NPAT: variants seen among roughly 807,000 people sequenced by gnomAD.
NPAT encodes protein NPAT.
Under a neutral mutation model 130.7 loss-of-function variants are expected in NPAT, and 52 were observed. The ratio of observed to expected loss-of-function variants is 0.40; its 90% CI spans 0.32 to 0.50. NPAT has a LOEUF of 0.50. NPAT is among the 20% of genes least tolerant of loss of function. NPAT has a pLI of 0.68. For synonymous variants in NPAT, 580 were observed against 584.8 expected, an observed-to-expected ratio of 0.99 and a Z score of 0.12; for missense variants, 1,687 against 1,662.6, an observed-to-expected ratio of 1.01 and a Z score of -0.26.
At chr11:108,166,210 A>C (rs554515285) in intron 15 of NPAT, among the ~76,000 whole-genome samples, 1 of 152,004 alleles carries the variant, frequency 6.6e-6, no homozygotes, top group African/African-American at 2.4e-5. Flanking sequence ...TGGCCAAGAT[A>C]GTGAAACCCT....
intron 1 of NPAT, among the ~76,000 whole-genome samples, chr11:108,204,033 G>C (rs1176943113): frequency 6.6e-6 from 1 of 152,174 alleles, no homozygotes. Flanking sequence ...TTAGGCCTCT[G>C]AGAGAGATCA....
Position 108,176,266 on chromosome 11 carries a change from G to C in NPAT, c.1112C>G (p.Ser371Cys). The C allele has an allele frequency of 6.3e-7, 1 of 1,582,828 alleles. No individual in the cohort carries two copies. Among genetic ancestry groups the C allele is most frequent in the Non-Finnish European group, 8.7e-7 (1 of 1,152,128 alleles). The change falls in exon 12 of 18, where the codon TCT (serine) becomes TGT (cysteine). Residue 371 changes from serine to cysteine, a missense_variant. Coordinates refer to ENST00000278612, the MANE Select transcript of NPAT (RefSeq NM_002519.3). ...CTTACCAGATTCTTCTGTTTCAAAA[G>C]AACCTTTAACTGCTAGATTAGTTTC... Reference protein sequence around the residue: ...ADETNLAVKGSFETEESDGQS... With the variant: ...ADETNLAVKGCFETEESDGQS...
chr11:108,176,798 C>T (rs2078010299), intron 11 of NPAT, among the ~76,000 whole-genome samples, 196 bp downstream of exon 11: 1 of 152,218 alleles, frequency 6.6e-6, no homozygotes, highest in Non-Finnish European at 1.5e-5. Context: ...CAAAACTACT[C>T]TCCACTTTAA....
rs1003903111 is a variant in NPAT at position 108,205,924 on chromosome 11, A to C, written c.38-8504T>G. Among the ~76,000 whole-genome samples, 6 of 152,180 alleles carry C rather than the reference A, an allele frequency of 3.9e-5. No individual in the cohort carries two copies. The South Asian group carries it at 1.2e-3, about 32-fold the overall frequency. On this transcript the variant is annotated intron_variant, in intron 1 of 17. Transcript: ENST00000278612. ...GCTAGGTGTGGTGGGACTCGCCTGT[A>C]ATCTCAGCTACTTGGGAAGCTGAGA...
chr11:108,188,051 T>C (rs2078125289), intron 7 of NPAT, 47 bp downstream of exon 7: 1 of 1,328,802 alleles, frequency 7.5e-7, no homozygotes, highest in Non-Finnish European at 1.1e-6. Context: ...TCTTTTTTTT[T>C]TTTTTTAATG....
chr11:108,185,891 C>T (rs1353275340), intron 8 of NPAT, among the ~76,000 whole-genome samples: 1 of 152,182 alleles, frequency 6.6e-6, no homozygotes, highest in Non-Finnish European at 1.5e-5. Context: ...TGCCATCACA[C>T]CCAGCTAATT....
chr11:108,189,646 G>A lies in NPAT; in HGVS notation c.332-316C>T, dbSNP rs375377275. Among the ~76,000 whole-genome samples, 1,207 of 151,940 alleles carry A rather than the reference G, an allele frequency of 7.9e-3. 8 individuals carry two copies. Among genetic ancestry groups the A allele is most frequent in the African/African-American group, 0.014 (601 of 41,468 alleles). On this transcript the variant is annotated intron_variant, in intron 5 of 17. Coordinates refer to ENST00000278612, the MANE Select transcript of NPAT (RefSeq NM_002519.3). ...AGCACTTTGGGAGGCCGAGGCGGGC[G>A]GATCACGAGGTCAGGAGATCGAGAC...
At chr11:108,219,660 A>C (rs2078465516) in intron 1 of NPAT, among the ~76,000 whole-genome samples, 1 of 152,210 alleles carries the variant, frequency 6.6e-6, no homozygotes, top group Admixed American at 6.5e-5. Flanking sequence ...AAAAAGTTCC[A>C]GAAACTGATG....
Position 108,173,438 on chromosome 11 carries a change from C to A in NPAT, c.1546G>T (p.Gly516Cys), listed in dbSNP as rs1259824082. 1 of 1,614,094 alleles carries A rather than the reference C, an allele frequency of 6.2e-7. No homozygotes were observed. Among genetic ancestry groups the A allele is most frequent in the Non-Finnish European group, 8.5e-7 (1 of 1,180,012 alleles). Residue 516 changes from glycine to cysteine, a missense_variant, in exon 13 of 18, where the codon GGT becomes TGT. Gly to Cys is a radical substitution (Grantham distance 159). Around this residue, in one of 3 missense-constraint regions of NPAT, gnomAD observed 1,379 missense variants for 1,346.6 expected, o/e 1.02. Transcript: ENST00000278612. ...AAGTTTTCATTGTTAGCTTCACAACCAAGTGAAACAAATGAAGTTATTGGT... is the reference window on the plus strand; with the variant it reads ...AAGTTTTCATTGTTAGCTTCACAACAAAGTGAAACAAATGAAGTTATTGGT... ...DIPITSFVSLGCEANNENLIL... is the reference protein window; with the variant it reads ...DIPITSFVSLCCEANNENLIL...
intron 3 of NPAT, among the ~76,000 whole-genome samples, chr11:108,192,937 G>C (rs893351742): frequency 6.6e-6 from 1 of 151,436 alleles, no homozygotes; most frequent in South Asian, 2.1e-4. Context: ...CTGGGCAACA[G>C]AGCGAGACTC....
At position 108,213,061 on chromosome 11, in the gene NPAT, G is replaced by A. The variant is rs141437322; in HGVS notation, c.37+9439C>T. 5.3e-5 allele frequency among the ~76,000 whole-genome samples: 8 copies of A among 152,052 alleles called. No individual in the cohort carries two copies. In the East Asian group the frequency reaches 1.5e-3, roughly 29 times the overall value. Reference sequence around the variant, plus strand: ...GGCCAAGGCCAGCAAATCACCTGAGGTCGGGAGTTCGAGACCAGCCTGACC... The same window carrying A: ...GGCCAAGGCCAGCAAATCACCTGAGATCGGGAGTTCGAGACCAGCCTGACC... On this transcript the variant is annotated intron_variant, in intron 1 of 17. Coordinates refer to ENST00000278612, the MANE Select transcript of NPAT (RefSeq NM_002519.3).
chr11:108,185,504 A>G lies in NPAT; in HGVS notation c.727-10T>C. On this transcript the variant is annotated splice_polypyrimidine_tract_variant and intron_variant, in intron 8 of 17. Coordinates refer to ENST00000278612, the MANE Select transcript of NPAT (RefSeq NM_002519.3). ...TTTCAATAACCATTTGCTGGAAAAG[A>G]AAGCCACTGTTAGCAAAAGGACAAT... 1 of 1,560,334 alleles carries G rather than the reference A, an allele frequency of 6.4e-7. No individual in the cohort carries two copies. Among genetic ancestry groups the G allele is most frequent in the Non-Finnish European group, 8.8e-7 (1 of 1,132,646 alleles).
In NPAT at chr11:108,173,174, C is replaced by G. The variant is rs987849933; in HGVS notation, c.1810G>C (p.Glu604Gln). 1 of 1,613,610 alleles carries G rather than the reference C, an allele frequency of 6.2e-7. No homozygotes were observed. Among genetic ancestry groups the G allele is most frequent in the Admixed American group, 1.7e-5 (1 of 60,000 alleles). The part of the protein sequence containing the change: ...NCQDNSCLQS[E>Q]ILPVSVESSH... ...CTTTCAACAGACACAGGTAGTATTT[C>G]ACTTTGAAGACAAGAATTATCTTGG... Residue 604 changes from glutamate to glutamine, a missense_variant, in exon 13 of 18, where the codon GAA (glutamate) becomes CAA (glutamine). Physicochemically the swap from Glu to Gln is conservative, Grantham distance 29 (BLOSUM62 2). This residue lies in a region of NPAT where 1,379 missense variants were observed against 1,346.6 expected (regional missense o/e 1.02). Transcript: ENST00000278612.
rs781206123 is a variant in NPAT, at chr11:108,189,201, C to T, written c.461G>A (p.Gly154Asp). ...GCCACTTGGTCGAGTAACCTGTGTA[C>T]CTGTGGAAGGAGGAGTGGTAAACTG... ...SGQFTTPPST[G>D]TQVTRPSGQI... The change falls in exon 6 of 18, where the codon GGT (glycine) becomes GAT (aspartate). Residue 154 changes from glycine to aspartate, a missense_variant. This residue lies in a region of NPAT where 307 missense variants were observed against 298.9 expected (regional missense o/e 1.03). Transcript: ENST00000278612. The T allele has an allele frequency of 5.0e-5, 81 of 1,613,976 alleles. No homozygotes were observed. The highest frequency in any genetic ancestry group is 1.6e-4 in the Middle Eastern group (1 of 6,084).
At chr11:108,185,087 C>A in intron 10 of NPAT, 145 bp downstream of exon 10, 1 of 701,826 alleles carries the variant, frequency 1.4e-6, no homozygotes, top group South Asian at 1.6e-5. Context: ...AAAGTTTTAT[C>A]TTACTATTGT....
intron 5 of NPAT, among the ~76,000 whole-genome samples, chr11:108,190,228 G>A (rs1461626685): frequency 2.1e-5 from 3 of 144,414 alleles, no homozygotes; most frequent in Non-Finnish European, 4.5e-5. Context: ...CAGGAGAATC[G>A]CTTGAACCCG....
At chr11:108,189,870 A>AC (rs2078149105) in intron 5 of NPAT, among the ~76,000 whole-genome samples, 1 of 136,040 alleles carries the variant, frequency 7.4e-6, no homozygotes, top group African/African-American at 3.0e-5. Flanking sequence ...ACTCCGTCTC[A>AC]AAAAAAAAAA....
chr11:108,178,647 C>G (rs1234358816), intron 10 of NPAT, among the ~76,000 whole-genome samples: 1 of 152,148 alleles, frequency 6.6e-6, no homozygotes, highest in African/African-American at 2.4e-5. Flanking sequence ...CACTTGAGGT[C>G]AGGAGTTCGA....
At chr11:108,213,895 A>AT (rs1033014591) in intron 1 of NPAT, among the ~76,000 whole-genome samples, 10 of 151,834 alleles carry the variant, frequency 6.6e-5, no homozygotes, top group Non-Finnish European at 1.5e-4. Flanking sequence ...TGGTCAGTTT[A>AT]TTTTTTTTCA....
Sources: allele counts gnomAD v4.1 joint callset (sites outside exome capture counted in the v4.1 genomes callset), GRCh38; gene constraint gnomAD v4.1.1; regional missense constraint gnomAD v4.1.1; transcripts MANE v1.5; gene names NCBI Gene and HGNC (gene_info 2026-07-23, HGNC 2026-07-21).